RBL1: variants seen among roughly 807,000 people sequenced by gnomAD.
RBL1 encodes RB transcriptional corepressor like 1, also known as retinoblastoma-like protein 1.
In RBL1, 82 loss-of-function variants were observed where a neutral mutation model predicts 123.0. The observed-to-expected ratio is 0.67, with a 90% confidence interval of 0.56 to 0.80. The LOEUF (loss-of-function observed/expected upper bound fraction) is 0.80, where lower values mean the gene tolerates loss of function less well. RBL1 is among the 30% of genes least tolerant of loss of function. The pLI is 0.00. For missense variants in RBL1, 1,171 were observed against 1,299.6 expected, an observed-to-expected ratio of 0.90 and a Z score of 1.52; for synonymous variants, 405 against 441.3, an observed-to-expected ratio of 0.92 and a Z score of 1.03.
In RBL1 at chr20:37,066,853, A is replaced by G; in HGVS notation, c.717T>C (p.Phe239=). The change falls in exon 6 of 22, where the codon TTT becomes TTC. Residue 239 remains phenylalanine, a synonymous_variant. Transcript: ENST00000373664. ...GLPSDFHTAD[F]TASEEPPCII... is the part of the protein sequence containing the mutation. The stretch of plus-strand genomic sequence containing the variant: ...TGCAGGGTGGCTCTTCAGAAGCCGT[A>G]AAGTCAGCAGTATGAAAATCAGATG... 3 of 1,614,058 alleles carry G rather than the reference A, an allele frequency of 1.9e-6. No homozygotes were observed. The highest frequency in any genetic ancestry group is 2.2e-5 in the South Asian group (2 of 91,066).
In RBL1 at chr20:37,041,543, G is replaced by A. The variant is rs1029488004; in HGVS notation, c.1771-1258C>T. Among the ~76,000 whole-genome samples the A allele has an allele frequency of 3.3e-5, 5 of 151,946 alleles. No homozygotes were observed. In the East Asian group the frequency reaches 5.8e-4, roughly 18 times the overall value. ...TCACCATATTGGCCAGCCTGGTCTC[G>A]AACGCTTGACCTCAGGCAATCCACT... On this transcript the variant is annotated intron_variant, in intron 13 of 21. Coordinates refer to ENST00000373664, the MANE Select transcript of RBL1 (RefSeq NM_002895.5).
intron 16 of RBL1, among the ~76,000 whole-genome samples, chr20:37,029,839 A>C (rs1017369525): frequency 1.3e-5 from 2 of 152,232 alleles, no homozygotes; most frequent in African/African-American, 4.8e-5. Context: ...CTTATTACTT[A>C]CAATAGCATC....
intron 14 of RBL1, among the ~76,000 whole-genome samples, chr20:37,039,641 T>C (rs2064688025): frequency 6.6e-6 from 1 of 152,324 alleles, no homozygotes; most frequent in East Asian, 1.9e-4. Context: ...TGTGAGTAAA[T>C]CAAACCTCTT....
At chr20:37,092,589 G>A (rs146998848) in intron 1 of RBL1, among the ~76,000 whole-genome samples, 1 of 152,190 alleles carries the variant, frequency 6.6e-6, no homozygotes, top group Non-Finnish European at 1.5e-5. Flanking sequence ...CAAACTCCTG[G>A]GCTCAAGTGA....
intron 1 of RBL1, among the ~76,000 whole-genome samples, chr20:37,093,124 G>C (rs1036051316): frequency 3.3e-5 from 5 of 152,040 alleles, no homozygotes; most frequent in African/African-American, 1.2e-4. Context: ...TTTAGGGAAG[G>C]CCTCACAAAA....
rs556268775 is a variant in RBL1 at position 37,093,154 on chromosome 20, CAAT to C, written c.156+2616_156+2618del. On this transcript the variant is annotated intron_variant, in intron 1 of 21. Coordinates refer to ENST00000373664, the MANE Select transcript of RBL1 (RefSeq NM_002895.5). ...ACAAAAGGAGACAAAATTTGTAAATCAATAAAAATGTAAGCAGGAGTTTGTCAG... is the reference window on the plus strand; with the variant it reads ...ACAAAAGGAGACAAAATTTGTAAATCAAAAATGTAAGCAGGAGTTTGTCAG... Among the ~76,000 whole-genome samples, 73 of 151,876 alleles carry C rather than the reference CAAT, an allele frequency of 4.8e-4. 1 individual carries two copies. The highest frequency in any genetic ancestry group is 1.0e-3 in the Non-Finnish European group (68 of 67,998).
In RBL1 at chr20:36,996,481, C is replaced by A. The variant is rs2063891150; in HGVS notation, c.*2278G>T. The A allele has an allele frequency of 6.6e-6, 1 of 152,184 alleles. No homozygotes were observed. The allele number at this position is 152,184 out of a possible 1,614,324, so 9.4% of individuals were successfully genotyped here. ...TCTGAGAAAGGGTCTTGCCCTCTCA[C>A]CTAGGATGGAGTGTAGTGGTGCAAT... is the stretch of plus-strand genomic sequence containing the variant. On this transcript the variant is annotated 3_prime_UTR_variant, in exon 22 of 22. Transcript: ENST00000373664.
chr20:37,012,949 G>A (rs1167006011), intron 19 of RBL1, among the ~76,000 whole-genome samples: 2 of 151,594 alleles, frequency 1.3e-5, no homozygotes, highest in South Asian at 2.1e-4. Context: ...CAGCCGCCCC[G>A]TCCGGGAGGG....
At chr20:37,033,929 C>T (rs1481629736) in intron 15 of RBL1, among the ~76,000 whole-genome samples, 1 of 150,010 alleles carries the variant, frequency 6.7e-6, no homozygotes, top group East Asian at 2.0e-4. Flanking sequence ...CCCCGGGCCC[C>T]CTTTTTTTTT....
At chr20:37,050,062 CAAA>C (rs777482512) in intron 11 of RBL1, among the ~76,000 whole-genome samples, 3 of 68,718 alleles carry the variant, frequency 4.4e-5, no homozygotes, top group Non-Finnish European at 8.9e-5. Context: ...AACTCCATCT[CAAA>C]AAAAAAAAAA....
intron 2 of RBL1, among the ~76,000 whole-genome samples, chr20:37,071,263 T>C (rs1384416197): frequency 2.6e-5 from 4 of 152,206 alleles, no homozygotes; most frequent in Non-Finnish European, 5.9e-5. Flanking sequence ...CCAATACTTA[T>C]AATTTCTTTT....
chr20:37,089,164 T>C (rs748039426), intron 1 of RBL1, 42 bp from the exon 2 acceptor site: 2 of 1,517,864 alleles, frequency 1.3e-6, no homozygotes, highest in South Asian at 1.3e-5. Flanking sequence ...TATAATATTA[T>C]GTTAAAATGC....
chr20:37,072,741 C>A (rs751569790), intron 2 of RBL1, among the ~76,000 whole-genome samples: 1 of 152,160 alleles, frequency 6.6e-6, no homozygotes, highest in Admixed American at 6.5e-5. Context: ...CAGGATCAAT[C>A]TCCTGGGGCA....
rs997149053 is a variant in RBL1, at chr20:36,999,545, A to G, written c.3037-616T>C. On this transcript the variant is annotated intron_variant, in intron 21 of 21. Coordinates refer to ENST00000373664, the MANE Select transcript of RBL1 (RefSeq NM_002895.5). ...CACGGTCTCCCCCTGATGCCGAGCC[A>G]AAGCTGGACTGTACTGCTGCCATCT... Among the ~76,000 whole-genome samples the G allele has an allele frequency of 4.6e-4, 68 of 149,012 alleles. 1 individual carries two copies. The East Asian group carries it at 0.01, about 22-fold the overall frequency.
intron 17 of RBL1, 129 bp from the exon 18 acceptor site, chr20:37,020,859 AC>A: frequency 1.7e-6 from 1 of 586,346 alleles, no homozygotes; most frequent in East Asian, 3.0e-5. Flanking sequence ...CCAGTCCATG[AC>A]TAAAAACCAC....
chr20:37,081,462 C>T (rs534271369), intron 2 of RBL1, among the ~76,000 whole-genome samples: 40 of 152,138 alleles, frequency 2.6e-4, no homozygotes, highest in African/African-American at 9.4e-4. Context: ...GCAACAAAGC[C>T]AGACCCAGTC....
intron 21 of RBL1, among the ~76,000 whole-genome samples, chr20:37,000,966 C>T (rs1430452341): frequency 4.9e-5 from 7 of 143,192 alleles, no homozygotes; most frequent in East Asian, 2.1e-4. Flanking sequence ...CCCGGCCGCC[C>T]CTACTGGGAA....
At chr20:37,050,651 A>G (rs913153797) in intron 11 of RBL1, among the ~76,000 whole-genome samples, 9 of 152,028 alleles carry the variant, frequency 5.9e-5, no homozygotes, top group Non-Finnish European at 8.8e-5. Context: ...TCATCTGAAA[A>G]ATGAAAGTTC....
chr20:36,998,036 C>T lies in RBL1; in HGVS notation c.*723G>A, dbSNP rs1277342253. The T allele has an allele frequency of 6.6e-6, 1 of 152,040 alleles. No individual in the cohort carries two copies. The highest frequency in any genetic ancestry group is 1.5e-5 in the Non-Finnish European group (1 of 68,000). 9.4% of individuals were successfully genotyped at this position (152,040 alleles called of 1,614,324 possible). A position where few individuals can be genotyped will look rare whatever the true frequency, so the allele number is the denominator to read the frequency against. The stretch of plus-strand genomic sequence containing the variant: ...GGCCAGGTACTATGGGAACCAACCC[C>T]TTCCTTCAATATTAAATTAAGAATA... On this transcript the variant is annotated 3_prime_UTR_variant, in exon 22 of 22. Transcript: ENST00000373664.
Sources: allele counts gnomAD v4.1 joint callset (sites outside exome capture counted in the v4.1 genomes callset), GRCh38; gene constraint gnomAD v4.1.1; transcripts MANE v1.5; gene names NCBI Gene and HGNC (gene_info 2026-07-23, HGNC 2026-07-21).